The following NDUFV2 variants were observed in gnomAD, a reference collection of about 807,000 sequenced individuals.
NDUFV2 encodes the protein NADH dehydrogenase [ubiquinone] flavoprotein 2, mitochondrial.
A neutral mutation model predicts 31.6 loss-of-function variants in NDUFV2; 18 were observed. That is an observed-to-expected ratio of 0.57 (90% confidence interval 0.39 to 0.84). The LOEUF (loss-of-function observed/expected upper bound fraction) is 0.84. Ranked by LOEUF, NDUFV2 falls within the 40% of genes least tolerant of loss-of-function variation. The probability of loss-of-function intolerance (pLI) is 0.00; values close to 1 mark genes in which losing one functional copy is unlikely to be tolerated. For synonymous variants in NDUFV2, 83 were observed against 99.8 expected, an observed-to-expected ratio of 0.83 and a Z score of 1.01; for missense variants, 314 against 303.6, an observed-to-expected ratio of 1.03 and a Z score of -0.26.
chr18:9,128,432 G>A (rs1323940196), intron 7 of NDUFV2, among the ~76,000 whole-genome samples: 8 of 152,136 alleles, frequency 5.3e-5, no homozygotes, highest in Admixed American at 3.3e-4. Flanking sequence ...TCTAAGAAAC[G>A]TATACTGTTC....
intron 1 of NDUFV2, 40 bp from the exon 2 acceptor site, chr18:9,117,798 G>C: frequency 8.4e-7 from 1 of 1,193,678 alleles, no homozygotes; most frequent in Non-Finnish European, 1.3e-6. Context: ...ATTTTTTAAG[G>C]CTATGATTTA....
At chr18:9,111,873 A>C (rs1389376610) in intron 1 of NDUFV2, among the ~76,000 whole-genome samples, 3 of 151,938 alleles carry the variant, frequency 2.0e-5, no homozygotes, top group African/African-American at 7.3e-5. Context: ...TATTTATGGA[A>C]TATTAGATAA....
intron 1 of NDUFV2, chr18:9,104,251 A>T: frequency 6.2e-7 from 1 of 1,612,684 alleles, no homozygotes; most frequent in South Asian, 1.1e-5. Context: ...AAATGAAATA[A>T]GGGAGAGACA....
intron 5 of NDUFV2, 46 bp from the exon 6 acceptor site, chr18:9,124,828 T>C: frequency 3.3e-6 from 5 of 1,518,466 alleles, no homozygotes; most frequent in Non-Finnish European, 4.5e-6. Flanking sequence ...ACCAAATGAC[T>C]ATTAAAATAT....
intron 7 of NDUFV2, among the ~76,000 whole-genome samples, chr18:9,129,202 A>G (rs1388888673): frequency 6.6e-6 from 1 of 152,054 alleles, no homozygotes; most frequent in Admixed American, 6.5e-5. Context: ...TGGCCTCCCA[A>G]AGTGCTGGGA....
rs73388186 is a variant in NDUFV2 at position 9,103,971 on chromosome 18, G to A, written c.54+1174G>A. ...ATATTACAGATAAGGAAAAGATTTA[G>A]ACAGTTCCCGTTCTTTTGGAATTGA... On this transcript the variant is annotated intron_variant, in intron 1 of 7. Coordinates refer to ENST00000318388, the MANE Select transcript of NDUFV2 (RefSeq NM_021074.5). The A allele has an allele frequency of 1.4e-3, 805 of 558,770 alleles. 3 individuals carry two copies. The highest frequency in any genetic ancestry group is 0.014 in the African/African-American group (726 of 53,116). 34.6% of individuals were successfully genotyped at this position (558,770 alleles called of 1,614,324 possible).
At chr18:9,130,059 T>G (rs542047466) in intron 7 of NDUFV2, among the ~76,000 whole-genome samples, 1 of 152,278 alleles carries the variant, frequency 6.6e-6, no homozygotes, top group East Asian at 1.9e-4. Flanking sequence ...CATAGTAAGT[T>G]TGAGATGCCT....
At chr18:9,131,698 C>A (rs1189499925) in intron 7 of NDUFV2, among the ~76,000 whole-genome samples, 2 of 152,064 alleles carry the variant, frequency 1.3e-5, no homozygotes, top group African/African-American at 4.8e-5. Context: ...ACAGAAAGGC[C>A]AAGTTTTCTA....
intron 1 of NDUFV2, among the ~76,000 whole-genome samples, chr18:9,111,440 T>TC (rs1226562374): frequency 1.3e-4 from 19 of 151,472 alleles, no homozygotes; most frequent in African/African-American, 2.2e-4. Flanking sequence ...CTTTTTTTTT[T>TC]CCCCCCGAGA....
At chr18:9,126,766 C>A in intron 6 of NDUFV2, 65 bp from the exon 7 acceptor site, 2 of 1,406,076 alleles carry the variant, frequency 1.4e-6, no homozygotes, top group South Asian at 2.3e-5. Context: ...GAGACCTTGT[C>A]TCTATAAATA....
At chr18:9,111,246 A>G (rs1343040705) in intron 1 of NDUFV2, among the ~76,000 whole-genome samples, 1 of 152,214 alleles carries the variant, frequency 6.6e-6, no homozygotes, top group East Asian at 1.9e-4. Flanking sequence ...AGAAGTTTTC[A>G]TAACTCATTT....
chr18:9,134,337 G>C lies in NDUFV2; in HGVS notation c.*58G>C. 7.7e-7 allele frequency: 1 copy of C among 1,306,134 alleles called. No individual in the cohort carries two copies. The highest frequency in any genetic ancestry group is 1.2e-5 in the South Asian group (1 of 84,232). 80.9% of individuals were successfully genotyped at this position (1,306,134 alleles called of 1,614,324 possible). On this transcript the variant is annotated 3_prime_UTR_variant, in exon 8 of 8. Coordinates refer to ENST00000318388, the MANE Select transcript of NDUFV2 (RefSeq NM_021074.5). ...AATAAAATATGGACTTCCAATCTAC[G>C]TAAACTTATTTGTTTATTCTGCTCT...
intron 5 of NDUFV2, among the ~76,000 whole-genome samples, chr18:9,124,601 A>C (rs2077971602): frequency 6.6e-6 from 1 of 151,716 alleles, no homozygotes; most frequent in Admixed American, 6.6e-5. Context: ...GGTGCCCGCC[A>C]CCACACCTGG....
chr18:9,117,994 G>T lies in NDUFV2; in HGVS notation c.120+91G>T, dbSNP rs192709296. The T allele has an allele frequency of 1.5e-3, 1,312 of 849,544 alleles. 5 individuals carry two copies. The highest frequency in any genetic ancestry group is 9.1e-3 in the Middle Eastern group (39 of 4,308). The allele number at this position is 849,544 out of a possible 1,614,324, so 52.6% of individuals were successfully genotyped here. A position where few individuals can be genotyped will look rare whatever the true frequency, so the allele number is the denominator to read the frequency against. On this transcript the variant is annotated intron_variant, in intron 2 of 7. Transcript: ENST00000318388. ...AATCCAAAATATCTTAAATACCATT[G>T]TCTTTGATATATGATGGTCATCGTG...
intron 1 of NDUFV2, among the ~76,000 whole-genome samples, chr18:9,114,832 A>G (rs2077890083): frequency 6.6e-6 from 1 of 152,226 alleles, no homozygotes; most frequent in Non-Finnish European, 1.5e-5. Flanking sequence ...GCGTATCCAG[A>G]GCTTTACAAG....
At chr18:9,105,783 TGTAAGTCA>T (rs2077838763) in intron 1 of NDUFV2, among the ~76,000 whole-genome samples, 1 of 152,234 alleles carries the variant, frequency 6.6e-6, no homozygotes. Flanking sequence ...GACAGGCAAT[TGTAAGTCA>T]GCGACCCATC....
intron 4 of NDUFV2, among the ~76,000 whole-genome samples, chr18:9,122,077 T>A (rs1041994310): frequency 6.6e-6 from 1 of 152,206 alleles, no homozygotes; most frequent in African/African-American, 2.4e-5. Flanking sequence ...GTAGGCTGTT[T>A]GGAAAAAATT....
At chr18:9,110,937 T>G (rs1370090029) in intron 1 of NDUFV2, among the ~76,000 whole-genome samples, 5 of 152,158 alleles carry the variant, frequency 3.3e-5, no homozygotes, top group Non-Finnish European at 4.4e-5. Context: ...TTTGCAGGAA[T>G]AGAAGAGAAG....
At chr18:9,104,725 TC>T (rs779749967) in intron 1 of NDUFV2, among the ~76,000 whole-genome samples, 8 of 107,898 alleles carry the variant, frequency 7.4e-5, no homozygotes, top group Admixed American at 4.1e-4. Flanking sequence ...CCTTCCACCC[TC>T]CCCCCTTTTT....
Sources: gnomAD v4.1 joint callset for allele counts (sites outside exome capture counted in the v4.1 genomes callset) on GRCh38, gnomAD v4.1.1 for gene constraint, MANE v1.5 for transcripts, NCBI Gene and HGNC (gene_info 2026-07-23, HGNC 2026-07-21) for gene names.